The following BICD1 variants were observed in gnomAD, a reference collection of about 807,000 sequenced individuals.
BICD1 encodes protein bicaudal D homolog 1.
In BICD1, 35 loss-of-function variants were observed where a neutral mutation model predicts 92.5. That is an observed-to-expected ratio of 0.38 (90% CI 0.29 to 0.50). The LOEUF (loss-of-function observed/expected upper bound fraction) is 0.50. Ranked by LOEUF, BICD1 falls within the 20% of genes least tolerant of loss-of-function variation. The pLI, the probability that BICD1 is intolerant of heterozygous loss-of-function variation, is 0.93. For missense variants in BICD1, 950 were observed against 1,189.8 expected, an observed-to-expected ratio of 0.80 and a Z score of 2.97; for synonymous variants, 429 against 465.1, an observed-to-expected ratio of 0.92 and a Z score of 1.00.
chr12:32,337,536 AG>A lies in BICD1; in HGVS notation c.2291del (p.Arg764AsnfsTer3). 1 of 1,613,734 alleles carries A rather than the reference AG, an allele frequency of 6.2e-7. No homozygotes were observed. The highest frequency in any genetic ancestry group is 8.5e-7 in the Non-Finnish European group (1 of 1,179,640). On this transcript the variant is annotated frameshift_variant, in exon 7 of 10. Coordinates refer to ENST00000652176, the MANE Select transcript of BICD1 (RefSeq NM_001714.4). LOFTEE classifies it high-confidence loss of function. The surrounding 1 kb of genome is among the most constrained non-coding windows in gnomAD (Gnocchi z 4.7). ...EYVTQLDEMQ[R>X]QLAAAEDEKK... ...TGTCACCCAGTTGGATGAGATGCAGAGACAGTTAGCAGCTGCAGAGGATGAG... is the reference window on the plus strand; with the variant it reads ...TGTCACCCAGTTGGATGAGATGCAGAACAGTTAGCAGCTGCAGAGGATGAG...
chr12:32,293,484 ATT>A (rs55803746), intron 2 of BICD1, among the ~76,000 whole-genome samples: 49,446 of 143,944 alleles, frequency 0.34, 8,734 homozygotes, highest in Non-Finnish European at 0.42. Context: ...CGCCTGGCTA[ATT>A]TTTTTTTTTT....
chr12:32,133,947 A>C (rs1178898326), intron 1 of BICD1, among the ~76,000 whole-genome samples: 1 of 151,812 alleles, frequency 6.6e-6, no homozygotes. Flanking sequence ...ACGCCTGGCT[A>C]ATTTTTTGTA....
At chr12:32,192,430 TTAAATAAA>T (rs369679034) in intron 1 of BICD1, among the ~76,000 whole-genome samples, 17 of 139,324 alleles carry the variant, frequency 1.2e-4, no homozygotes, top group East Asian at 8.3e-4. Context: ...CGAGACTCTG[TTAAATAAA>T]TAAATAAATA....
chr12:32,117,412 T>C (rs1941954113), intron 1 of BICD1, among the ~76,000 whole-genome samples: 1 of 152,204 alleles, frequency 6.6e-6, no homozygotes, highest in South Asian at 2.1e-4. Context: ...TCACACTATT[T>C]GATGACTGTA....
At chr12:32,291,500 T>C (rs1565646124) in intron 2 of BICD1, among the ~76,000 whole-genome samples, 1 of 147,334 alleles carries the variant, frequency 6.8e-6, no homozygotes. Context: ...TTAAGGCACC[T>C]GGGCAACAGA....
intron 1 of BICD1, among the ~76,000 whole-genome samples, chr12:32,121,400 C>T (rs947911290): frequency 1.1e-4 from 17 of 151,708 alleles, no homozygotes; most frequent in African/African-American, 3.9e-4. Context: ...CAAGACCAGC[C>T]TGGCCAACAT....
intron 4 of BICD1, among the ~76,000 whole-genome samples, chr12:32,317,214 A>G (rs1382111252): frequency 2.0e-5 from 3 of 152,202 alleles, no homozygotes; most frequent in Admixed American, 6.5e-5. Context: ...TCCTTTGGGT[A>G]TATACCCAGT....
In BICD1 at chr12:32,213,384, TTTG is replaced by T. The variant is rs534230009; in HGVS notation, c.214-2851_214-2849del. ...TGATGTTGTGCCCTTCCCAATGTTT[TTTG>T]TTGTTGTTGTTTTTGTTTTTGTTTT... On this transcript the variant is annotated intron_variant, in intron 1 of 9. Coordinates refer to ENST00000652176, the MANE Select transcript of BICD1 (RefSeq NM_001714.4). Among the ~76,000 whole-genome samples the T allele has an allele frequency of 2.8e-3, 422 of 152,220 alleles. 1 individual carries two copies. The highest frequency in any genetic ancestry group is 9.7e-3 in the African/African-American group (403 of 41,536).
chr12:32,261,352 G>A (rs1946853700), intron 2 of BICD1, among the ~76,000 whole-genome samples: 1 of 152,042 alleles, frequency 6.6e-6, no homozygotes, highest in African/African-American at 2.4e-5. Context: ...ATTGCCCTAG[G>A]GCTGTTCCGG....
intron 1 of BICD1, among the ~76,000 whole-genome samples, chr12:32,133,997 G>T (rs1219673401): frequency 1.3e-5 from 2 of 152,044 alleles, no homozygotes; most frequent in East Asian, 3.9e-4. Context: ...TGGCCAGGAT[G>T]GTCTTGATCT....
chr12:32,301,752 G>A (rs979922488), intron 3 of BICD1, among the ~76,000 whole-genome samples: 3 of 152,066 alleles, frequency 2.0e-5, no homozygotes, highest in African/African-American at 7.2e-5. Flanking sequence ...TCTAGCCTGG[G>A]CAACAGAGCA....
At chr12:32,217,722 G>A (rs572405911) in intron 2 of BICD1, among the ~76,000 whole-genome samples, 2 of 152,266 alleles carry the variant, frequency 1.3e-5, no homozygotes, top group South Asian at 2.1e-4. Flanking sequence ...GCTACTCTCT[G>A]GTTCCTTCTT....
intron 4 of BICD1, 64 bp from the exon 5 acceptor site, chr12:32,327,397 A>G: frequency 6.6e-7 from 1 of 1,520,530 alleles, no homozygotes; most frequent in Non-Finnish European, 8.8e-7. Flanking sequence ...CCGACTGTGA[A>G]TGGATTAAGT....
intron 4 of BICD1, among the ~76,000 whole-genome samples, chr12:32,320,923 CTG>C (rs950221561): frequency 2.0e-5 from 3 of 152,192 alleles, no homozygotes; most frequent in Non-Finnish European, 4.4e-5. Context: ...CCTCAACTCT[CTG>C]TTGGATAAAT....
intron 1 of BICD1, among the ~76,000 whole-genome samples, chr12:32,187,824 A>G (rs1944461870): frequency 6.6e-6 from 1 of 152,252 alleles, no homozygotes; most frequent in Non-Finnish European, 1.5e-5. Flanking sequence ...CTCCCACATC[A>G]CACAATATAT....
intron 2 of BICD1, among the ~76,000 whole-genome samples, chr12:32,219,620 G>C (rs966237066): frequency 2.0e-5 from 3 of 151,774 alleles, no homozygotes; most frequent in African/African-American, 2.4e-5. Context: ...AAATATCTCT[G>C]AATTTATCAC....
At chr12:32,246,847 A>G (rs1206968428) in intron 2 of BICD1, among the ~76,000 whole-genome samples, 1 of 152,182 alleles carries the variant, frequency 6.6e-6, no homozygotes, top group African/African-American at 2.4e-5. Context: ...TGAGATGGAC[A>G]TAAACATAGT....
At chr12:32,329,768 G>A (rs1442303264) in intron 5 of BICD1, among the ~76,000 whole-genome samples, 1 of 152,188 alleles carries the variant, frequency 6.6e-6, no homozygotes, top group African/African-American at 2.4e-5. Context: ...ACATGAACCT[G>A]TCTAATTCCC....
chr12:32,109,405 A>G (rs1002084356), intron 1 of BICD1: 1 of 152,230 alleles, frequency 6.6e-6, no homozygotes, highest in East Asian at 1.9e-4. Context: ...AGATGTTAAT[A>G]AAACTACCTG....
Sources: allele counts gnomAD v4.1 joint callset (sites outside exome capture counted in the v4.1 genomes callset), GRCh38; gene constraint gnomAD v4.1.1; non-coding constraint Gnocchi (gnomAD v3.1); transcripts MANE v1.5; gene names NCBI Gene and HGNC (gene_info 2026-07-23, HGNC 2026-07-21).